TECPR2: variants seen among roughly 807,000 people sequenced by gnomAD.
TECPR2 encodes the protein tectonin beta-propeller repeat-containing protein 2.
A neutral mutation model predicts 138.1 loss-of-function variants in TECPR2; 65 were observed. The ratio of observed to expected loss-of-function variants is 0.47; its 90% CI spans 0.39 to 0.58. TECPR2 has a LOEUF of 0.58. TECPR2 is among the 20% of genes least tolerant of loss of function. The pLI is 0.00. For synonymous variants in TECPR2, 746 were observed against 749.8 expected, an observed-to-expected ratio of 0.99 and a Z score of 0.08; for missense variants, 1,553 against 1,824.5, an observed-to-expected ratio of 0.85 and a Z score of 2.71.
chr14:102,425,871 GT>G (rs531503829), intron 6 of TECPR2, among the ~76,000 whole-genome samples: 5,516 of 132,024 alleles, frequency 0.042, 113 homozygotes, highest in Middle Eastern at 0.11. Flanking sequence ...ACCATGCCTG[GT>G]TTTTTTTTTT....
chr14:102,484,133 G>A (rs2139790007), intron 17 of TECPR2, among the ~76,000 whole-genome samples: 1 of 152,074 alleles, frequency 6.6e-6, no homozygotes, highest in Non-Finnish European at 1.5e-5. Flanking sequence ...TTTCTAAGCT[G>A]GCCTCCACTT....
At chr14:102,484,883 C>T (rs995693703) in intron 17 of TECPR2, among the ~76,000 whole-genome samples, 1 of 152,236 alleles carries the variant, frequency 6.6e-6, no homozygotes, top group African/African-American at 2.4e-5. Flanking sequence ...GTCTCGAACT[C>T]CTGGCCTCAG....
At chr14:102,460,153 T>G (rs1021629103) in intron 16 of TECPR2, among the ~76,000 whole-genome samples, 3 of 151,560 alleles carry the variant, frequency 2.0e-5, no homozygotes, top group African/African-American at 7.3e-5. Context: ...CGCTGTAGTC[T>G]CAGCTACTCA....
In TECPR2 at chr14:102,440,566, G is replaced by A. The variant is rs977517679; in HGVS notation, c.2709G>A (p.Thr903=). 5 of 1,614,162 alleles carry A rather than the reference G, an allele frequency of 3.1e-6. No homozygotes were observed. The highest frequency in any genetic ancestry group is 4.2e-6 in the Non-Finnish European group (5 of 1,180,026). ...TGTTTGTGGCCCTGAGCGATGACAC[G>A]GCCTGGATCATCAGGACCAGTGGGG... ...QAVFVALSDD[T]AWIIRTSGDL... Residue 903 remains threonine, a synonymous_variant, in exon 11 of 20, where the codon ACG becomes ACA. Coordinates refer to ENST00000359520, the MANE Select transcript of TECPR2 (RefSeq NM_014844.5).
At chr14:102,384,936 G>A (rs867184797) in intron 2 of TECPR2, among the ~76,000 whole-genome samples, 1 of 134,644 alleles carries the variant, frequency 7.4e-6, no homozygotes, top group African/African-American at 2.8e-5. Context: ...GGCTCACTGC[G>A]ACCTCTGCCT....
chr14:102,444,145 A>C (rs79416987), intron 12 of TECPR2, among the ~76,000 whole-genome samples: 1 of 151,434 alleles, frequency 6.6e-6, no homozygotes, highest in East Asian at 1.9e-4. Context: ...CTTAGGTCCA[A>C]ATATTTTTCT....
chr14:102,364,396 A>C (rs1457814830), intron 1 of TECPR2, among the ~76,000 whole-genome samples: 1 of 152,194 alleles, frequency 6.6e-6, no homozygotes, highest in Non-Finnish European at 1.5e-5. Context: ...GTGTGCCAGC[A>C]CTGTGCCAGG....
At chr14:102,456,139 G>A (rs1890271766) in intron 16 of TECPR2, among the ~76,000 whole-genome samples, 1 of 152,148 alleles carries the variant, frequency 6.6e-6, no homozygotes, top group Non-Finnish European at 1.5e-5. Flanking sequence ...CTAAATGTTG[G>A]CCATCTCCGG....
chr14:102,455,444 TC>T, intron 16 of TECPR2, among the ~76,000 whole-genome samples: 1 of 152,066 alleles, frequency 6.6e-6, no homozygotes, highest in Non-Finnish European at 1.5e-5. Flanking sequence ...AACCGCAATT[TC>T]CTCTCCTTTC....
At chr14:102,485,454 T>G (rs906796343) in intron 17 of TECPR2, among the ~76,000 whole-genome samples, 2 of 152,332 alleles carry the variant, frequency 1.3e-5, no homozygotes, top group East Asian at 3.9e-4. Flanking sequence ...TCTTCAAAAC[T>G]TGCTTCTAGG....
chr14:102,451,441 A>G (rs1431906558), intron 15 of TECPR2, among the ~76,000 whole-genome samples: 2 of 152,224 alleles, frequency 1.3e-5, no homozygotes, highest in Non-Finnish European at 2.9e-5. Context: ...TTCGGACCAC[A>G]GTTCTGGAAC....
intron 5 of TECPR2, among the ~76,000 whole-genome samples, chr14:102,421,573 A>G (rs916226024): frequency 1.3e-5 from 2 of 152,136 alleles, no homozygotes; most frequent in African/African-American, 2.4e-5. Context: ...TGCTGTGTGC[A>G]GGGAGTGTGG....
chr14:102,407,603 CCT>C (rs1474843461), intron 3 of TECPR2, 137 bp downstream of exon 3: 1 of 1,195,174 alleles, frequency 8.4e-7, no homozygotes, highest in African/African-American at 1.6e-5. Flanking sequence ...CAGGCTCATG[CCT>C]GTAATCCCAG....
chr14:102,435,922 TACTA>T (rs1168273421), intron 9 of TECPR2, among the ~76,000 whole-genome samples: 1 of 152,258 alleles, frequency 6.6e-6, no homozygotes, highest in Non-Finnish European at 1.5e-5. Context: ...CCCTGTCTCC[TACTA>T]ACTGTCGATG....
At chr14:102,379,768 A>G (rs1052108500) in intron 2 of TECPR2, among the ~76,000 whole-genome samples, 1 of 143,936 alleles carries the variant, frequency 6.9e-6, no homozygotes, top group Non-Finnish European at 1.5e-5. Context: ...CTTAAAATCC[A>G]TGCACAGAGG....
intron 6 of TECPR2, among the ~76,000 whole-genome samples, chr14:102,426,674 C>T (rs1889330186): frequency 6.6e-6 from 1 of 152,158 alleles, no homozygotes; most frequent in African/African-American, 2.4e-5. Context: ...GCCTGGCCAA[C>T]ATGGTGAAAC....
At position 102,409,867 on chromosome 14, in the gene TECPR2, C is replaced by T. The variant is rs567262443; in HGVS notation, c.480+1248C>T. On this transcript the variant is annotated intron_variant, in intron 4 of 19. Transcript: ENST00000359520. Reference sequence around the variant, plus strand: ...TTGCCCAGGCTGGAGTGCAGTGGCGCGATCTCGGCTCACTGCAACCTCCGC... The same window carrying T: ...TTGCCCAGGCTGGAGTGCAGTGGCGTGATCTCGGCTCACTGCAACCTCCGC... Among the ~76,000 whole-genome samples, 33 of 152,078 alleles carry T rather than the reference C, an allele frequency of 2.2e-4. 1 individual carries two copies. Among genetic ancestry groups the T allele is most frequent in the Admixed American group, 1.6e-3 (25 of 15,266 alleles).
rs1889900688 is a variant in TECPR2, at chr14:102,443,838, GC to G, written c.2933+13del. On this transcript the variant is annotated intron_variant, in intron 12 of 19. Transcript: ENST00000359520. This position sits in a 1 kb window ranked among gnomAD's most constrained non-coding sequence, Gnocchi z 4.9. Reference sequence around the variant, plus strand: ...GTGTGACATTGTCAGGTACTGGCGGGCCAGAGACTCCTTTCACATCGTGCTT... The same window carrying G: ...GTGTGACATTGTCAGGTACTGGCGGGCAGAGACTCCTTTCACATCGTGCTT... The G allele has an allele frequency of 6.4e-7, 1 of 1,551,928 alleles. No homozygotes were observed. The highest frequency in any genetic ancestry group is 8.8e-7 in the Non-Finnish European group (1 of 1,138,586).
At chr14:102,370,683 G>A (rs1887481271) in intron 1 of TECPR2, among the ~76,000 whole-genome samples, 1 of 152,202 alleles carries the variant, frequency 6.6e-6, no homozygotes, top group Non-Finnish European at 1.5e-5. Flanking sequence ...AGAGTGTTAA[G>A]CAAGGGAGTG....
Sources: gnomAD v4.1 joint callset for allele counts (sites outside exome capture counted in the v4.1 genomes callset) on GRCh38, gnomAD v4.1.1 for gene constraint, Gnocchi (gnomAD v3.1) non-coding constraint, MANE v1.5 for transcripts, NCBI Gene and HGNC (gene_info 2026-07-23, HGNC 2026-07-21) for gene names.